CD8B: variants seen among roughly 807,000 people sequenced by gnomAD.
CD8B encodes the protein CD8 subunit beta.
Under a neutral mutation model 24.2 loss-of-function variants are expected in CD8B, and 6 were observed. That is an observed-to-expected ratio of 0.25 (90% CI 0.14 to 0.49). The LOEUF is 0.49. Among genes scored for constraint, CD8B ranks in the 20% least tolerant of loss-of-function variants. CD8B has a pLI of 0.98. For synonymous variants in CD8B, 84 were observed against 108.3 expected, an observed-to-expected ratio of 0.78 and a Z score of 1.39; for missense variants, 196 against 271.3, an observed-to-expected ratio of 0.72 and a Z score of 1.95.
At chr2:86,833,916 TG>T (rs1449646088), downstream of CD8B, among the ~76,000 whole-genome samples, 5 of 152,090 alleles carry the variant, frequency 3.3e-5, no homozygotes, top group Non-Finnish European at 7.4e-5. Flanking sequence ...CCCAAAGTGC[TG>T]GGGTTACAGG....
Position 86,861,832 on chromosome 2 carries a change from G to A in CD8B, c.34C>T (p.Gln12Ter), listed in dbSNP as rs1313919313. The change falls in exon 1 of 6, where the codon CAG becomes TAG. Residue 12 changes from glutamine to a stop codon, truncating the protein, a stop_gained. Coordinates refer to ENST00000390655, the MANE Select transcript of CD8B (RefSeq NM_004931.5). LOFTEE classifies it high-confidence loss of function. ...RPRLWLLLAAQLTVLHGNSVL... is the reference protein window; with the variant it reads ...RPRLWLLLAA ...CGCGCCGCCGCCTTACCTGTCAGCT[G>A]CGCGGCCAAGAGGAGCCACAGCCGC... 3.1e-6 allele frequency: 4 copies of A among 1,282,726 alleles called. No individual in the cohort carries two copies. The highest frequency in any genetic ancestry group is 3.9e-6 in the Non-Finnish European group (4 of 1,016,290). The allele number at this position is 1,282,726 out of a possible 1,614,324, so 79.5% of individuals were successfully genotyped here.
intron 5 of CD8B, among the ~76,000 whole-genome samples, chr2:86,832,249 AGGGT>A (rs1483110640): frequency 6.6e-6 from 1 of 152,048 alleles, no homozygotes; most frequent in African/African-American, 2.4e-5. Flanking sequence ...GAGGCTGAGG[AGGGT>A]GGATCACCTG....
At chr2:86,815,548 C>A, downstream of CD8B, 1 of 1,020,314 alleles carries the variant, frequency 9.8e-7, no homozygotes, top group Non-Finnish European at 1.6e-6. Context: ...TCCCTCTGAG[C>A]GAGGGAGGAA....
At chr2:86,828,914 T>A (rs1674794511) in intron 5 of CD8B, among the ~76,000 whole-genome samples, 1 of 149,162 alleles carries the variant, frequency 6.7e-6, no homozygotes, top group Non-Finnish European at 1.5e-5. Context: ...TCTCCATATA[T>A]ACATACACAC....
chr2:86,826,824 G>GT (rs67145087), intron 5 of CD8B, among the ~76,000 whole-genome samples: 19,892 of 143,108 alleles, frequency 0.14, 2,368 homozygotes, highest in African/African-American at 0.33. Flanking sequence ...TGAATTTCTT[G>GT]TTTTTTTTTT....
At chr2:86,844,889 G>A (rs1276549331) in intron 5 of CD8B, 33 bp downstream of exon 5, 6 of 1,556,936 alleles carry the variant, frequency 3.9e-6, no homozygotes, top group Middle Eastern at 1.7e-4. Flanking sequence ...AGGGGCTGAG[G>A]AACCCAAGGC....
chr2:86,823,258 T>C (rs1396970873), intron 5 of CD8B, among the ~76,000 whole-genome samples: 7 of 152,148 alleles, frequency 4.6e-5, no homozygotes, highest in Admixed American at 4.6e-4. Flanking sequence ...ACAATCATTT[T>C]TTAAAACTTA....
chr2:86,830,257 C>T (rs1271425691), intron 5 of CD8B, among the ~76,000 whole-genome samples: 1 of 152,106 alleles, frequency 6.6e-6, no homozygotes, highest in East Asian at 1.9e-4. Context: ...AATATGCTTA[C>T]AATACTCTGA....
downstream of CD8B, among the ~76,000 whole-genome samples, chr2:86,833,563 CCT>C (rs1356681983): frequency 1.0e-4 from 14 of 137,522 alleles, no homozygotes; most frequent in African/African-American, 3.2e-4. Flanking sequence ...CCTCCCCTCC[CCT>C]CTCTCTCCCT....
At position 86,840,400 on chromosome 2, in the gene CD8B, T is replaced by C. The variant is rs1365228183; in HGVS notation, c.*1907A>G. Among the ~76,000 whole-genome samples the C allele has an allele frequency of 6.6e-6, 1 of 152,232 alleles. No individual in the cohort carries two copies. Among genetic ancestry groups the C allele is most frequent in the East Asian group, 1.9e-4 (1 of 5,196 alleles). ...ACCAAGGATCAAAGGCTACTCTCCC[T>C]ACAACCCTCCCCCTTCCACTGCATC... On this transcript the variant is annotated 3_prime_UTR_variant, in exon 6 of 6. Coordinates refer to ENST00000390655, the MANE Select transcript of CD8B (RefSeq NM_004931.5).
intron 5 of CD8B, among the ~76,000 whole-genome samples, chr2:86,832,570 G>C (rs372574649): frequency 6.6e-6 from 1 of 151,664 alleles, no homozygotes; most frequent in Non-Finnish European, 1.5e-5. Context: ...TAACCTGCTC[G>C]AGTGGGGAAT....
Position 86,842,161 on chromosome 2 carries a change from A to T in CD8B, c.*146T>A. 1 of 1,486,752 alleles carries T rather than the reference A, an allele frequency of 6.7e-7. No individual in the cohort carries two copies. Among genetic ancestry groups the T allele is most frequent in the Non-Finnish European group, 8.9e-7 (1 of 1,119,428 alleles). 92.1% of individuals were successfully genotyped at this position (1,486,752 alleles called of 1,614,324 possible). A position where few individuals can be genotyped will look rare whatever the true frequency, so the allele number is the denominator to read the frequency against. On this transcript the variant is annotated 3_prime_UTR_variant, in exon 6 of 6. Coordinates refer to ENST00000390655, the MANE Select transcript of CD8B (RefSeq NM_004931.5). ...TGCTCCCATGCACATCACACACAGA[A>T]AGGCCTTGCAGCAGTGAAAAGCAGG...
intron 3 of CD8B, 75 bp from the exon 4 acceptor site, chr2:86,846,848 G>A: frequency 2.0e-6 from 2 of 976,288 alleles, no homozygotes; most frequent in Non-Finnish European, 3.1e-6. Context: ...AATACAAGGA[G>A]CGAAAAATTC....
At position 86,842,351 on chromosome 2, in the gene CD8B, A is replaced by G. The variant is rs776106661; in HGVS notation, c.621-32T>C. 74 of 1,573,008 alleles carry G rather than the reference A, an allele frequency of 4.7e-5. No homozygotes were observed. In the African/African-American group the frequency reaches 9.5e-4, roughly 20 times the overall value. On this transcript the variant is annotated intron_variant, in intron 5 of 5. Coordinates refer to ENST00000390655, the MANE Select transcript of CD8B (RefSeq NM_004931.5). The stretch of plus-strand genomic sequence containing the variant: ...ACAACAGCAAGTTGTGAAACCACTT[A>G]TTTTCAGGCAAACGATATTGAATTT...
chr2:86,853,044 G>T lies in CD8B; in HGVS notation c.446C>A (p.Thr149Asn), dbSNP rs1466137625. Residue 149 changes from threonine to asparagine, a missense_variant, in exon 3 of 6, where the codon ACC (threonine) becomes AAC (asparagine). Thr to Asn is a moderately conservative substitution (Grantham distance 65). Coordinates refer to ENST00000390655, the MANE Select transcript of CD8B (RefSeq NM_004931.5). ...TAACCGGCACACTCTCTTCTTGAGG[G>T]TGGACTTCTTGGTGGGCTGGGCAGT... ...PTTAQPTKKS[T>N]LKKRVCRLPR... is the part of the protein sequence containing the mutation. The T allele has an allele frequency of 2.6e-6, 4 of 1,544,476 alleles. No individual in the cohort carries two copies. Among genetic ancestry groups the T allele is most frequent in the East Asian group, 4.9e-5 (2 of 40,800 alleles).
In CD8B at chr2:86,841,924, A is replaced by G. The variant is rs903803436; in HGVS notation, c.*383T>C. On this transcript the variant is annotated 3_prime_UTR_variant, in exon 6 of 6. Transcript: ENST00000390655. ...CCCAGCATCACCCCATGAAAGACCCAGGACCCAATGTTACTGCCCTACCAG... is the reference window on the plus strand; with the variant it reads ...CCCAGCATCACCCCATGAAAGACCCGGGACCCAATGTTACTGCCCTACCAG... The G allele has an allele frequency of 9.9e-7, 1 of 1,006,912 alleles. No individual in the cohort carries two copies. The highest frequency in any genetic ancestry group is 1.7e-5 in the African/African-American group (1 of 57,970). 62.4% of individuals were successfully genotyped at this position (1,006,912 alleles called of 1,614,324 possible). A position where few individuals can be genotyped will look rare whatever the true frequency, so the allele number is the denominator to read the frequency against.
At chr2:86,846,652 G>A in intron 4 of CD8B, 32 bp downstream of exon 4, 9 of 1,179,274 alleles carry the variant, frequency 7.6e-6, no homozygotes, top group Non-Finnish European at 1.1e-5. Context: ...AGCAAACAGG[G>A]ACACCCAACA....
intron 1 of CD8B, 117 bp from the exon 2 acceptor site, chr2:86,858,533 T>C: frequency 1.4e-6 from 2 of 1,455,452 alleles, no homozygotes; most frequent in East Asian, 2.4e-5. Context: ...GCCCAGTTAC[T>C]GGGTCCAGGG....
At chr2:86,818,629 G>C (rs1040764004) in intron 5 of CD8B, among the ~76,000 whole-genome samples, 3 of 152,184 alleles carry the variant, frequency 2.0e-5, no homozygotes, top group African/African-American at 7.2e-5. Context: ...TGTTGGGTGT[G>C]TTCTGACTGC....
Sources: allele counts gnomAD v4.1 joint callset (sites outside exome capture counted in the v4.1 genomes callset), GRCh38; gene constraint gnomAD v4.1.1; transcripts MANE v1.5; gene names NCBI Gene and HGNC (gene_info 2026-07-23, HGNC 2026-07-21).